The following DLGAP2 variants were observed in gnomAD, a reference collection of about 807,000 sequenced individuals.
DLGAP2 encodes the protein disks large-associated protein 2.
In DLGAP2, 26 loss-of-function variants were observed where a neutral mutation model predicts 100.3. The ratio of observed to expected loss-of-function variants is 0.26; its 90% CI spans 0.19 to 0.36. The LOEUF is 0.36. Ranked by LOEUF, DLGAP2 falls within the 10% of genes least tolerant of loss-of-function variation. The probability of loss-of-function intolerance (pLI) is 1.00; values close to 1 mark genes in which losing one functional copy is unlikely to be tolerated. For synonymous variants in DLGAP2, 886 were observed against 630.1 expected, an observed-to-expected ratio of 1.41 and a Z score of -6.08; for missense variants, 1,858 against 1,453.2, an observed-to-expected ratio of 1.28 and a Z score of -4.53.
chr8:1,075,692 C>T (rs954546313), intron 2 of DLGAP2, among the ~76,000 whole-genome samples: 9 of 152,072 alleles, frequency 5.9e-5, no homozygotes, highest in Admixed American at 2.0e-4. Flanking sequence ...CAGGAGGGCC[C>T]GTCAGTGAGA....
intron 1 of DLGAP2, among the ~76,000 whole-genome samples, chr8:844,352 G>A (rs1797034239): frequency 6.6e-6 from 1 of 152,188 alleles, no homozygotes; most frequent in South Asian, 2.1e-4. Flanking sequence ...CAGTTTTCAT[G>A]AAGGGAGCAC....
At chr8:970,989 G>A (rs546106308) in intron 2 of DLGAP2, among the ~76,000 whole-genome samples, 44 of 152,232 alleles carry the variant, frequency 2.9e-4, no homozygotes, top group African/African-American at 9.9e-4. Context: ...ATGTTTAACC[G>A]TAAACCTTAG....
Position 771,473 on chromosome 8 carries a change from C to T in DLGAP2, c.18+33648C>T, listed in dbSNP as rs372136254. Reference sequence around the variant, plus strand: ...TCCAAAATCCTGGGCCTGCACTAGCCGGGTCTAAGGCAGGCCGGCTAGCTC... The same window carrying T: ...TCCAAAATCCTGGGCCTGCACTAGCTGGGTCTAAGGCAGGCCGGCTAGCTC... On this transcript the variant is annotated intron_variant, in intron 1 of 14. Transcript: ENST00000637795. Among the ~76,000 whole-genome samples, 38 of 152,312 alleles carry T rather than the reference C, an allele frequency of 2.5e-4. No homozygotes were observed. The East Asian group carries it at 2.7e-3, about 11-fold the overall frequency.
intron 3 of DLGAP2, among the ~76,000 whole-genome samples, chr8:1,418,256 G>A (rs190148816): frequency 4.6e-5 from 7 of 152,296 alleles, no homozygotes; most frequent in African/African-American, 1.7e-4. Flanking sequence ...TATTGTATGT[G>A]TAATAACTAA....
intron 2 of DLGAP2, among the ~76,000 whole-genome samples, chr8:922,918 A>G (rs150980593): frequency 1.3e-5 from 2 of 152,314 alleles, no homozygotes; most frequent in African/African-American, 4.8e-5. Flanking sequence ...TTGAGGGGAA[A>G]TGAGACCAGG....
In DLGAP2 at chr8:1,695,291, G is replaced by A. The variant is rs539379083; in HGVS notation, c.2797-1856G>A. On this transcript the variant is annotated intron_variant, in intron 13 of 14. Coordinates refer to ENST00000637795, the MANE Select transcript of DLGAP2 (RefSeq NM_001346810.2). The stretch of plus-strand genomic sequence containing the variant: ...ATGCCCGGCCCTACAGAAAGAGGGG[G>A]CACAGTCATGCCCGGCCCTACAGAA... Among the ~76,000 whole-genome samples the A allele has an allele frequency of 9.8e-4, 144 of 146,708 alleles. 1 individual carries two copies. The highest frequency in any genetic ancestry group is 3.4e-3 in the African/African-American group (134 of 39,252).
intron 2 of DLGAP2, among the ~76,000 whole-genome samples, chr8:1,036,258 C>A (rs1172227119): frequency 6.6e-6 from 1 of 152,146 alleles, no homozygotes; most frequent in Non-Finnish European, 1.5e-5. Flanking sequence ...CTCATCCCGA[C>A]CCCACATGTT....
intron 2 of DLGAP2, among the ~76,000 whole-genome samples, chr8:1,115,047 G>A (rs1397631352): frequency 6.6e-6 from 1 of 152,138 alleles, no homozygotes; most frequent in East Asian, 1.9e-4. Context: ...ATTGTGCTGT[G>A]GTCCAAGATT....
chr8:775,986 CTT>C (rs1393081802), intron 1 of DLGAP2, among the ~76,000 whole-genome samples: 1 of 151,186 alleles, frequency 6.6e-6, no homozygotes, highest in Admixed American at 6.6e-5. Flanking sequence ...GTCCTGGACT[CTT>C]TTTGGTTGGT....
chr8:982,872 T>G (rs1261320994), intron 2 of DLGAP2, among the ~76,000 whole-genome samples: 1 of 147,608 alleles, frequency 6.8e-6, no homozygotes, highest in Non-Finnish European at 1.5e-5. Flanking sequence ...TCTAGGAATT[T>G]TAAAGGTAGG....
At chr8:1,191,256 C>T (rs1282780734) in intron 2 of DLGAP2, among the ~76,000 whole-genome samples, 1 of 151,100 alleles carries the variant, frequency 6.6e-6, no homozygotes, top group Non-Finnish European at 1.5e-5. Flanking sequence ...ACTGCAGCTC[C>T]ACCTCCCGGG....
At chr8:1,471,473 C>A (rs1378598206) in intron 3 of DLGAP2, among the ~76,000 whole-genome samples, 1 of 151,820 alleles carries the variant, frequency 6.6e-6, no homozygotes, top group East Asian at 1.9e-4. Context: ...AGCCTCCTCA[C>A]CTCTGTCAGA....
At chr8:1,075,730 G>C (rs1251211092) in intron 2 of DLGAP2, among the ~76,000 whole-genome samples, 1 of 152,056 alleles carries the variant, frequency 6.6e-6, no homozygotes, top group Non-Finnish European at 1.5e-5. Context: ...CCCAGGGCAT[G>C]TTGTATGTCA....
At chr8:1,476,393 C>T (rs532500468) in intron 3 of DLGAP2, among the ~76,000 whole-genome samples, 73 of 151,624 alleles carry the variant, frequency 4.8e-4, no homozygotes, top group African/African-American at 1.7e-3. Flanking sequence ...CCCATCGCGC[C>T]TGTGACTTCC....
intron 1 of DLGAP2, among the ~76,000 whole-genome samples, chr8:885,202 C>T (rs1480974263): frequency 6.6e-6 from 1 of 152,134 alleles, no homozygotes; most frequent in African/African-American, 2.4e-5. Flanking sequence ...AGCATTGAAT[C>T]CATAAATTGC....
intron 3 of DLGAP2, among the ~76,000 whole-genome samples, chr8:1,333,731 A>T (rs1464967166): frequency 6.6e-6 from 1 of 152,218 alleles, no homozygotes; most frequent in Admixed American, 6.5e-5. Flanking sequence ...TCAGTTTCAT[A>T]TGGTTCTCAC....
At chr8:1,337,521 G>A (rs1472056078) in intron 3 of DLGAP2, among the ~76,000 whole-genome samples, 14 of 148,796 alleles carry the variant, frequency 9.4e-5, no homozygotes, top group Non-Finnish European at 2.1e-4. Context: ...TGGTGATGCT[G>A]ATGATAGTGA....
chr8:1,473,873 C>T (rs1158244409), intron 3 of DLGAP2, among the ~76,000 whole-genome samples: 1 of 152,152 alleles, frequency 6.6e-6, no homozygotes, highest in African/African-American at 2.4e-5. Context: ...TTTCACCTTC[C>T]ACCATGATTG....
chr8:1,371,248 C>T (rs1249248445), intron 3 of DLGAP2, among the ~76,000 whole-genome samples: 5 of 152,250 alleles, frequency 3.3e-5, no homozygotes, highest in Admixed American at 6.5e-5. Context: ...GGGAACTAAA[C>T]GGATGCTGTC....
Sources: allele counts gnomAD v4.1 joint callset (sites outside exome capture counted in the v4.1 genomes callset), GRCh38; gene constraint gnomAD v4.1.1; transcripts MANE v1.5; gene names NCBI Gene and HGNC (gene_info 2026-07-23, HGNC 2026-07-21).